The following NXPE2 variants were observed in gnomAD, a reference collection of about 807,000 sequenced individuals.
NXPE2 encodes neurexophilin and PC-esterase domain family member 2.
NXPE2 carries 34 observed loss-of-function variants against 34.4 expected under a neutral mutation model. That is an observed-to-expected ratio of 0.99 (90% CI 0.75 to 1.31). NXPE2 has a LOEUF of 1.31. Ranked by LOEUF, NXPE2 falls within the 40% of genes most tolerant of loss-of-function variation. NXPE2 has a pLI of 0.00. For missense variants in NXPE2, 649 were observed against 672.5 expected (o/e 0.97, Z 0.39); for synonymous variants, 235 against 231.3 (o/e 1.02, Z -0.15).
chr11:114,650,439 G>A, the NXPE2 span, among the ~76,000 whole-genome samples: 16 of 152,296 alleles, frequency 1.1e-4, no homozygotes, highest in East Asian at 3.1e-3. Context: ...GATTGAGAGG[G>A]TACTCCTATT....
chr11:114,610,053 A>G, the NXPE2 span, among the ~76,000 whole-genome samples: 2 of 151,800 alleles, frequency 1.3e-5, no homozygotes, highest in African/African-American at 2.4e-5. Context: ...CCCGGTGGAT[A>G]ATAAGTCTTG....
chr11:114,492,789 T>C, the NXPE2 span, among the ~76,000 whole-genome samples: 1 of 152,316 alleles, frequency 6.6e-6, no homozygotes, highest in African/African-American at 2.4e-5. Context: ...TCCGCCTGCC[T>C]TGGCCTCCCA....
the NXPE2 span, chr11:114,530,400 A>G: frequency 1.2e-6 from 2 of 1,614,206 alleles, no homozygotes; most frequent in East Asian, 4.5e-5. Context: ...TTTGAAAATA[A>G]TTTTATCATA....
chr11:114,757,811 TA>T, the NXPE2 span, among the ~76,000 whole-genome samples: 1 of 152,162 alleles, frequency 6.6e-6, no homozygotes, highest in African/African-American at 2.4e-5. Context: ...AGAGATGAGA[TA>T]AAACAAATAT....
chr11:114,479,434 G>T, the NXPE2 span, among the ~76,000 whole-genome samples: 1 of 152,112 alleles, frequency 6.6e-6, no homozygotes, highest in Non-Finnish European at 1.5e-5. Flanking sequence ...ATTTAGGAGT[G>T]GAATAGGATC....
chr11:114,613,801 A>T, the NXPE2 span, among the ~76,000 whole-genome samples: 2 of 151,924 alleles, frequency 1.3e-5, no homozygotes, highest in Non-Finnish European at 2.9e-5. Context: ...GCCGGTGGAT[A>T]ATACGTCTTG....
chr11:114,655,187 T>C, the NXPE2 span, among the ~76,000 whole-genome samples: 1 of 152,246 alleles, frequency 6.6e-6, no homozygotes, highest in African/African-American at 2.4e-5. Context: ...TTTTTTCTTG[T>C]AAATATGTTT....
chr11:114,577,060 TATATATATATAAAGTTATATATATAC>T, the NXPE2 span, among the ~76,000 whole-genome samples: 578 of 48,334 alleles, frequency 0.012, 5 homozygotes, highest in Non-Finnish European at 0.015. Flanking sequence ...TATATATACA[TATATATATATAAAGTTATATATATAC>T]ATATATATAT....
At chr11:114,684,391 C>T (rs904277493) in intron 2 of NXPE2, among the ~76,000 whole-genome samples, 4 of 151,802 alleles carry the variant, frequency 2.6e-5, no homozygotes, top group Admixed American at 2.0e-4. Context: ...CACACCACTG[C>T]ACTCCAGCAT....
the NXPE2 span, among the ~76,000 whole-genome samples, chr11:114,738,826 G>GT: frequency 6.5e-4 from 98 of 150,404 alleles, no homozygotes; most frequent in Non-Finnish European, 8.7e-4. Context: ...CCTTCAGGAT[G>GT]TTTTTTTTTC....
chr11:114,545,258 G>A, the NXPE2 span, among the ~76,000 whole-genome samples: 1 of 152,154 alleles, frequency 6.6e-6, no homozygotes, highest in African/African-American at 2.4e-5. Context: ...ACAAATACCT[G>A]CACATGAATG....
At chr11:114,656,257 C>A in the NXPE2 span, among the ~76,000 whole-genome samples, 2 of 152,130 alleles carry the variant, frequency 1.3e-5, no homozygotes, top group African/African-American at 2.4e-5. Context: ...GAACTACAAG[C>A]CACTACTCAA....
the NXPE2 span, among the ~76,000 whole-genome samples, chr11:114,733,050 T>C: frequency 6.6e-6 from 1 of 152,218 alleles, no homozygotes; most frequent in Non-Finnish European, 1.5e-5. Context: ...GTTTGTTGAA[T>C]TCAGTGTCTT....
chr11:114,522,638 G>T, the NXPE2 span: 1 of 770,554 alleles, frequency 1.3e-6, no homozygotes, highest in South Asian at 2.0e-5. Context: ...CTAGGGTACA[G>T]TACCCCCAGT....
At chr11:114,675,711 A>G (rs1277693132), upstream of NXPE2, among the ~76,000 whole-genome samples, 1 of 151,964 alleles carries the variant, frequency 6.6e-6, no homozygotes, top group African/African-American at 2.4e-5. Flanking sequence ...TCTTTATCAA[A>G]ATTCCAATGG....
chr11:114,672,540 A>G, the NXPE2 span, among the ~76,000 whole-genome samples: 1 of 152,020 alleles, frequency 6.6e-6, no homozygotes, highest in Non-Finnish European at 1.5e-5. Context: ...AGACTGGTTA[A>G]TGGGACAAGA....
At chr11:114,576,116 A>G in the NXPE2 span, among the ~76,000 whole-genome samples, 1 of 152,180 alleles carries the variant, frequency 6.6e-6, no homozygotes, top group African/African-American at 2.4e-5. Context: ...CACCCTGTTC[A>G]ACAAATGGTG....
At chr11:114,629,091 G>T in the NXPE2 span, among the ~76,000 whole-genome samples, 1 of 152,116 alleles carries the variant, frequency 6.6e-6, no homozygotes, top group East Asian at 1.9e-4. Context: ...TCTACCAGAG[G>T]TACAAGGAGG....
the NXPE2 span, among the ~76,000 whole-genome samples, chr11:114,492,718 T>G: frequency 6.6e-6 from 1 of 152,110 alleles, no homozygotes; most frequent in Non-Finnish European, 1.5e-5. Context: ...TTTTTGTATT[T>G]TTAGTAGAGA....
Sources: allele counts gnomAD v4.1 joint callset (sites outside exome capture counted in the v4.1 genomes callset), GRCh38; gene constraint gnomAD v4.1.1; transcripts MANE v1.5; gene names NCBI Gene and HGNC (gene_info 2026-07-23, HGNC 2026-07-21).